Variants in NPAS3 observed in about 807,000 individuals in gnomAD.
NPAS3 encodes the protein neuronal PAS domain protein 3, also known as neuronal PAS domain-containing protein 3.
NPAS3 carries 14 observed loss-of-function variants against 73.1 expected under a neutral mutation model. The observed-to-expected ratio is 0.19, with a 90% confidence interval of 0.13 to 0.30. The LOEUF (loss-of-function observed/expected upper bound fraction) is 0.30. Ranked by LOEUF, NPAS3 falls within the 10% of genes least tolerant of loss-of-function variation. The probability of loss-of-function intolerance (pLI) is 1.00; values close to 1 mark genes in which losing one functional copy is unlikely to be tolerated. For synonymous variants in NPAS3, 620 were observed against 541.5 expected (o/e 1.14, Z -2.01); for missense variants, 1,096 against 1,250.0 (o/e 0.88, Z 1.86).
intron 5 of NPAS3, among the ~76,000 whole-genome samples, chr14:33,567,072 A>T (rs2055991036): frequency 6.6e-6 from 1 of 152,142 alleles, no homozygotes; most frequent in Non-Finnish European, 1.5e-5. Flanking sequence ...GGATGTGTGG[A>T]TGTGTATGTC....
chr14:33,080,092 A>G (rs747239297), intron 2 of NPAS3, among the ~76,000 whole-genome samples: 1 of 152,022 alleles, frequency 6.6e-6, no homozygotes, highest in Non-Finnish European at 1.5e-5. Context: ...CATATAGTCC[A>G]ATCTGATTTT....
At chr14:32,999,315 T>G (rs1402207983) in intron 1 of NPAS3, among the ~76,000 whole-genome samples, 2 of 152,002 alleles carry the variant, frequency 1.3e-5, no homozygotes, top group African/African-American at 2.4e-5. Flanking sequence ...ATTGAGACCA[T>G]CCTGGCTAAC....
intron 1 of NPAS3, among the ~76,000 whole-genome samples, chr14:33,007,900 G>T (rs2039053447): frequency 6.6e-6 from 1 of 152,190 alleles, no homozygotes; most frequent in Non-Finnish European, 1.5e-5. Flanking sequence ...GGCAATGAGT[G>T]AGATTAGCCT....
intron 2 of NPAS3, among the ~76,000 whole-genome samples, chr14:33,156,920 T>G (rs1041742026): frequency 2.0e-5 from 3 of 152,220 alleles, no homozygotes; most frequent in Non-Finnish European, 4.4e-5. Flanking sequence ...ATTAACTGAT[T>G]TTATTAACTG....
intron 1 of NPAS3, among the ~76,000 whole-genome samples, chr14:33,020,815 C>T (rs2039567518): frequency 6.6e-6 from 1 of 151,748 alleles, no homozygotes; most frequent in East Asian, 1.9e-4. Flanking sequence ...GGCTGGAGTG[C>T]GGTGGCGTGA....
At chr14:33,411,583 T>A (rs181623509) in intron 4 of NPAS3, among the ~76,000 whole-genome samples, 294 of 152,314 alleles carry the variant, frequency 1.9e-3, no homozygotes, top group African/African-American at 6.7e-3. Flanking sequence ...AGGACAGCCC[T>A]CACAACACAT....
intron 2 of NPAS3, among the ~76,000 whole-genome samples, chr14:33,095,137 T>C (rs1019663682): frequency 5.9e-5 from 9 of 152,326 alleles, no homozygotes; most frequent in African/African-American, 1.9e-4. Context: ...CTAGTCTGAC[T>C]TTACAGTCCT....
intron 5 of NPAS3, among the ~76,000 whole-genome samples, chr14:33,627,470 T>G (rs2058254392): frequency 6.6e-6 from 1 of 152,112 alleles, no homozygotes; most frequent in South Asian, 2.1e-4. Flanking sequence ...TGATCTTGAG[T>G]CACTACAGCA....
At chr14:33,137,070 A>G (rs1310000238) in intron 2 of NPAS3, among the ~76,000 whole-genome samples, 1 of 152,250 alleles carries the variant, frequency 6.6e-6, no homozygotes, top group Non-Finnish European at 1.5e-5. Flanking sequence ...TCAATGCAAA[A>G]AAAGAATAAA....
chr14:32,946,425 T>C (rs2098513510), intron 1 of NPAS3, among the ~76,000 whole-genome samples: 1 of 151,534 alleles, frequency 6.6e-6, no homozygotes, highest in Admixed American at 6.6e-5. Flanking sequence ...CTTTGGTAAC[T>C]TTTTTTCCTC....
intron 3 of NPAS3, among the ~76,000 whole-genome samples, chr14:33,357,488 G>C (rs568802419): frequency 8.3e-4 from 126 of 152,282 alleles, no homozygotes; most frequent in Non-Finnish European, 1.6e-3. Context: ...GGCAGAAGCT[G>C]GTGACAACTT....
intron 4 of NPAS3, among the ~76,000 whole-genome samples, chr14:33,427,193 A>C (rs137909555): frequency 3.3e-5 from 5 of 152,158 alleles, no homozygotes; most frequent in African/African-American, 1.2e-4. Context: ...CTGTCTCCTA[A>C]GAGCTATGGG....
rs979841102 is a variant in NPAS3, at chr14:33,571,963, C to G, written c.558+11753C>G. The stretch of plus-strand genomic sequence containing the variant: ...GTTCTCACAGATACCTCATCGCTAC[C>G]CTTTTATTGTGGGCTAATGCAAAGG... On this transcript the variant is annotated intron_variant, in intron 5 of 11. Coordinates refer to ENST00000356141, the Ensembl canonical transcript of NPAS3. Among the ~76,000 whole-genome samples the G allele has an allele frequency of 4.0e-4, 61 of 152,044 alleles. 2 individuals carry two copies. Among genetic ancestry groups the G allele is most frequent in the Non-Finnish European group, 2.9e-5 (2 of 68,026 alleles).
At chr14:33,323,489 C>T (rs1353957780) in intron 3 of NPAS3, among the ~76,000 whole-genome samples, 2 of 152,152 alleles carry the variant, frequency 1.3e-5, no homozygotes, top group Non-Finnish European at 2.9e-5. Flanking sequence ...TCACAATGTT[C>T]AGTAAACAGT....
intron 5 of NPAS3, among the ~76,000 whole-genome samples, chr14:33,624,958 C>T (rs959533684): frequency 6.6e-6 from 1 of 152,106 alleles, no homozygotes. Flanking sequence ...TGGATAACTA[C>T]CTATGAGGTA....
intron 2 of NPAS3, among the ~76,000 whole-genome samples, chr14:33,189,138 G>C (rs2046080435): frequency 6.6e-6 from 1 of 152,162 alleles, no homozygotes; most frequent in Admixed American, 6.5e-5. Flanking sequence ...ATGCCAAGGA[G>C]AATGTTAGGT....
intron 4 of NPAS3, among the ~76,000 whole-genome samples, chr14:33,393,267 C>G (rs776921908): frequency 2.0e-5 from 3 of 151,988 alleles, no homozygotes; most frequent in Admixed American, 2.0e-4. Context: ...CTGTGGTCAC[C>G]GTATTTGCTG....
chr14:33,799,665 C>T (rs2063621910), intron 11 of NPAS3, 69 bp from the exon 12 acceptor site: 1 of 1,525,876 alleles, frequency 6.6e-7, no homozygotes, highest in Non-Finnish European at 8.8e-7. Flanking sequence ...CTGGGTCGCC[C>T]CGCTAACCTG....
At chr14:33,326,234 A>G (rs2043698615) in intron 3 of NPAS3, among the ~76,000 whole-genome samples, 1 of 152,192 alleles carries the variant, frequency 6.6e-6, no homozygotes, top group Non-Finnish European at 1.5e-5. Flanking sequence ...TAAAGCCTAA[A>G]GCTATAGTGA....
Sources: allele counts gnomAD v4.1 joint callset (sites outside exome capture counted in the v4.1 genomes callset), GRCh38; gene constraint gnomAD v4.1.1; transcripts MANE v1.5; gene names NCBI Gene and HGNC (gene_info 2026-07-23, HGNC 2026-07-21).